Variants in BCL9 observed in about 807,000 individuals in gnomAD.
BCL9 encodes BCL9 transcription coactivator, also known as B-cell CLL/lymphoma 9 protein.
In BCL9, 25 loss-of-function variants were observed where a neutral mutation model predicts 88.5. The observed-to-expected ratio is 0.28, with a 90% CI of 0.21 to 0.39. The LOEUF (loss-of-function observed/expected upper bound fraction) is 0.39, where lower values mean the gene tolerates loss of function less well. Among genes scored for constraint, BCL9 ranks in the 10% least tolerant of loss-of-function variants. BCL9 has a pLI of 1.00. For synonymous variants in BCL9, 711 were observed against 673.3 expected (o/e 1.06, Z -0.87); for missense variants, 1,817 against 1,877.8 (o/e 0.97, Z 0.60).
At chr1:147,621,627 A>AG (rs1431683773) in intron 8 of BCL9, among the ~76,000 whole-genome samples, 6 of 152,162 alleles carry the variant, frequency 3.9e-5, no homozygotes, top group African/African-American at 1.2e-4. Flanking sequence ...GTGGGACTAG[A>AG]GGTGGTCAGT....
At chr1:147,602,099 C>A (rs1657422492) in intron 1 of BCL9, among the ~76,000 whole-genome samples, 1 of 151,930 alleles carries the variant, frequency 6.6e-6, no homozygotes, top group African/African-American at 2.4e-5. Context: ...TGGGGTTTCA[C>A]CATGTTGGCC....
chr1:147,611,668 C>A lies in BCL9; in HGVS notation c.-169C>A. ...TGCAAGGGGAAAGGACCCACTTCCA[C>A]AGCAGAGAAAAACAAAGAGGAAAAA... On this transcript the variant is annotated 5_prime_UTR_variant, in exon 4 of 10. Transcript: ENST00000234739. 4.8e-6 allele frequency: 3 copies of A among 627,692 alleles called. No homozygotes were observed. The highest frequency in any genetic ancestry group is 8.6e-6 in the Non-Finnish European group (3 of 348,264). 38.9% of individuals were successfully genotyped at this position (627,692 alleles called of 1,614,324 possible).
At chr1:147,608,966 C>T (rs76093248) in intron 3 of BCL9, among the ~76,000 whole-genome samples, 2,492 of 152,302 alleles carry the variant, frequency 0.016, 34 homozygotes, top group Non-Finnish European at 0.025. Flanking sequence ...GTTTTCCCAT[C>T]TCTAAAATAG....
chr1:147,545,507 A>G (rs1256912771), intron 1 of BCL9, among the ~76,000 whole-genome samples: 2 of 152,228 alleles, frequency 1.3e-5, no homozygotes, highest in African/African-American at 4.8e-5. Flanking sequence ...GACAGCAGTG[A>G]TAACAGGTCA....
At position 147,612,990 on chromosome 1, in the gene BCL9, G is replaced by A; in HGVS notation, c.161G>A (p.Gly54Asp). ...SKFSNQGKQG[G>D]SASQSQPSPC... ...TTCTCCAATCAGGGTAAACAGGGGG[G>A]CTCAGCCAGCCAATCCCAGCCATCC... is the stretch of plus-strand genomic sequence containing the variant. Residue 54 changes from glycine to aspartate, a missense_variant, in exon 5 of 10, where the codon GGC (glycine) becomes GAC (aspartate). Gly to Asp is a moderately conservative substitution (Grantham distance 94, BLOSUM62 -1). Coordinates refer to ENST00000234739, the MANE Select transcript of BCL9 (RefSeq NM_004326.4). 1 of 1,608,824 alleles carries A rather than the reference G, an allele frequency of 6.2e-7. No individual in the cohort carries two copies. Among genetic ancestry groups the A allele is most frequent in the African/African-American group, 1.3e-5 (1 of 74,874 alleles).
At chr1:147,542,262 G>A (rs909016870) in intron 1 of BCL9, among the ~76,000 whole-genome samples, 1 of 152,218 alleles carries the variant, frequency 6.6e-6, no homozygotes, top group Non-Finnish European at 1.5e-5. Flanking sequence ...AGGAGGAGCG[G>A]CATGGCAGGC....
intron 1 of BCL9, among the ~76,000 whole-genome samples, chr1:147,572,631 G>C (rs1382377740): frequency 6.6e-6 from 1 of 152,254 alleles, no homozygotes; most frequent in Non-Finnish European, 1.5e-5. Context: ...CCAGGCTGGA[G>C]TGCAGTGGCA....
chr1:147,597,831 C>T (rs1430294457), intron 1 of BCL9, among the ~76,000 whole-genome samples: 1 of 152,144 alleles, frequency 6.6e-6, no homozygotes, highest in African/African-American at 2.4e-5. Flanking sequence ...ACCCTAGTGT[C>T]GTATGTTTAA....
At position 147,541,683 on chromosome 1, in the gene BCL9, C is replaced by G. The variant is rs1283013076; in HGVS notation, c.-478+9C>G. On this transcript the variant is annotated intron_variant, in intron 1 of 9. Coordinates refer to ENST00000234739, the MANE Select transcript of BCL9 (RefSeq NM_004326.4). ...TTCTCCTCATAAAAAAGGTAAGAGC[C>G]CTAACAATTCCTTCTTCGGTGGCAG... The G allele has an allele frequency of 6.6e-6, 1 of 152,092 alleles. No individual in the cohort carries two copies. The highest frequency in any genetic ancestry group is 1.9e-4 in the East Asian group (1 of 5,160). The allele number at this position is 152,092 out of a possible 1,614,324, so 9.4% of individuals were successfully genotyped here.
Position 147,541,577 on chromosome 1 carries a change from G to C in BCL9, c.-575G>C, listed in dbSNP as rs145744384. ...TGTTGTCCTGGTGTCTTGATACCAG[G>C]AGGCCAGGGATTGCGGGAAAAGGGT... On this transcript the variant is annotated 5_prime_UTR_variant, in exon 1 of 10. Coordinates refer to ENST00000234739, the MANE Select transcript of BCL9 (RefSeq NM_004326.4). The C allele has an allele frequency of 1.3e-5, 2 of 152,358 alleles. No individual in the cohort carries two copies. Among genetic ancestry groups the C allele is most frequent in the Non-Finnish European group, 2.9e-5 (2 of 68,106 alleles). 9.4% of individuals were successfully genotyped at this position (152,358 alleles called of 1,614,324 possible). A position where few individuals can be genotyped will look rare whatever the true frequency, so the allele number is the denominator to read the frequency against.
At chr1:147,611,309 G>A (rs1553202568) in intron 3 of BCL9, among the ~76,000 whole-genome samples, 2 of 152,192 alleles carry the variant, frequency 1.3e-5, no homozygotes, top group African/African-American at 4.8e-5. Context: ...AGAGAAAACT[G>A]CCTTTTTCAC....
chr1:147,623,895 C>T lies in BCL9; in HGVS notation c.3217C>T (p.Pro1073Ser). Residue 1073 changes from proline to serine, a missense_variant, in exon 10 of 10, where the codon CCG (proline) becomes TCG (serine). Physicochemically the swap from Pro to Ser is moderately conservative, Grantham distance 74 (BLOSUM62 -1). This residue lies in a region of BCL9 where 589 missense variants were observed against 686.2 expected (regional missense o/e 0.86). Transcript: ENST00000234739. ...AATTTCAGGTCCAAACCCCGTGGTT[C>T]CGATGCCAACCCTCAGCCCAATGGG... is the stretch of plus-strand genomic sequence containing the variant. ...PRISGPNPVVPMPTLSPMGMT... is the reference protein window; with the variant it reads ...PRISGPNPVVSMPTLSPMGMT... The T allele has an allele frequency of 2.5e-6, 4 of 1,614,176 alleles. No homozygotes were observed. The East Asian group carries it at 8.9e-5, about 36-fold the overall frequency.
rs367665952 is a variant in BCL9 at position 147,616,029 on chromosome 1, C to T, written c.660+127C>T. 53 of 875,256 alleles carry T rather than the reference C, an allele frequency of 6.1e-5. No individual in the cohort carries two copies. In the African/African-American group the frequency reaches 6.2e-4, roughly 10 times the overall value. 54.2% of individuals were successfully genotyped at this position (875,256 alleles called of 1,614,324 possible). ...ATGAGTTGCATTCTTGGCATTTAAC[C>T]TAATTCTGGCATTGTGGGGCATTAG... On this transcript the variant is annotated intron_variant, in intron 7 of 9. Transcript: ENST00000234739.
intron 1 of BCL9, among the ~76,000 whole-genome samples, chr1:147,572,295 A>G (rs1655922624): frequency 6.6e-6 from 1 of 152,204 alleles, no homozygotes; most frequent in Admixed American, 6.5e-5. Context: ...TAAAAGAGAT[A>G]AAACACCGTA....
At chr1:147,579,680 T>A (rs1323515491) in intron 1 of BCL9, among the ~76,000 whole-genome samples, 2 of 152,210 alleles carry the variant, frequency 1.3e-5, no homozygotes, top group Non-Finnish European at 2.9e-5. Flanking sequence ...CTCAGTAAGA[T>A]CATTTCCTTG....
At position 147,605,106 on chromosome 1, in the gene BCL9, G is replaced by A. The variant is rs587769200; in HGVS notation, c.-343+195G>A. On this transcript the variant is annotated intron_variant, in intron 2 of 9. Transcript: ENST00000234739. ...GCAGTTACACCTTTCTGTGAGCAGG[G>A]ACTTGTACAATAACTCATTTCATAG... 3.1e-4 allele frequency among the ~76,000 whole-genome samples: 47 copies of A among 152,306 alleles called. No individual in the cohort carries two copies. The South Asian group carries it at 9.5e-3, about 31-fold the overall frequency.
At position 147,600,941 on chromosome 1, in the gene BCL9, G is replaced by T. The variant is rs1306760778; in HGVS notation, c.-477-3836G>T. Among the ~76,000 whole-genome samples the T allele has an allele frequency of 2.0e-5, 3 of 152,200 alleles. No individual in the cohort carries two copies. In the East Asian group the frequency reaches 5.8e-4, roughly 29 times the overall value. On this transcript the variant is annotated intron_variant, in intron 1 of 9. Coordinates refer to ENST00000234739, the MANE Select transcript of BCL9 (RefSeq NM_004326.4). ...CCTGAGTCACTGGCCTTTGAAAGTT[G>T]CAAAGACTATTAAGATGTCACTGAT...
intron 1 of BCL9, among the ~76,000 whole-genome samples, chr1:147,570,339 G>C (rs1655821650): frequency 1.3e-5 from 2 of 152,170 alleles, no homozygotes; most frequent in Admixed American, 6.5e-5. Flanking sequence ...GTCAGGAAGA[G>C]AACTTCAGGA....
At chr1:147,556,840 C>T (rs999661844) in intron 1 of BCL9, among the ~76,000 whole-genome samples, 1 of 152,156 alleles carries the variant, frequency 6.6e-6, no homozygotes, top group Non-Finnish European at 1.5e-5. Context: ...ACATCTGTTT[C>T]ATGTCTTTGC....
Sources: gnomAD v4.1 joint callset for allele counts (sites outside exome capture counted in the v4.1 genomes callset) on GRCh38, gnomAD v4.1.1 for gene constraint, gnomAD v4.1.1 regional missense constraint, MANE v1.5 for transcripts, NCBI Gene and HGNC (gene_info 2026-07-23, HGNC 2026-07-21) for gene names.